Variants in XRCC5 observed in about 807,000 individuals in gnomAD.
XRCC5 encodes DNA repair protein Ku80.
Under a neutral mutation model 95.7 loss-of-function variants are expected in XRCC5, and 12 were observed. That is an observed-to-expected ratio of 0.13 (90% confidence interval 0.08 to 0.20). XRCC5 has a LOEUF of 0.20. Among genes scored for constraint, XRCC5 ranks in the 10% least tolerant of loss-of-function variants. The probability of loss-of-function intolerance (pLI) is 1.00; values close to 1 mark genes in which losing one functional copy is unlikely to be tolerated. For missense variants in XRCC5, 595 were observed against 873.9 expected (o/e 0.68, Z 4.02); for synonymous variants, 281 against 290.3 (o/e 0.97, Z 0.33).
At chr2:216,129,042 C>T (rs947084362) in intron 8 of XRCC5, among the ~76,000 whole-genome samples, 10 of 152,264 alleles carry the variant, frequency 6.6e-5, no homozygotes, top group African/African-American at 2.2e-4. Flanking sequence ...GAGCCACTTA[C>T]AGTTTTGAGG....
At chr2:216,122,797 A>T (rs1304815194) in intron 6 of XRCC5, among the ~76,000 whole-genome samples, 1 of 151,752 alleles carries the variant, frequency 6.6e-6, no homozygotes, top group East Asian at 1.9e-4. Flanking sequence ...TAGCCTACTT[A>T]CTTTACGTGG....
At chr2:216,187,300 A>AC (rs1689511202) in intron 16 of XRCC5, among the ~76,000 whole-genome samples, 1 of 148,792 alleles carries the variant, frequency 6.7e-6, no homozygotes, top group African/African-American at 2.5e-5. Flanking sequence ...TTAGGACTTC[A>AC]TTTTTTTTTT....
At chr2:216,193,234 T>C (rs1023698050) in intron 18 of XRCC5, among the ~76,000 whole-genome samples, 3 of 152,200 alleles carry the variant, frequency 2.0e-5, no homozygotes, top group African/African-American at 7.2e-5. Flanking sequence ...CAGCAACCAA[T>C]GCAAGTTAAA....
intron 14 of XRCC5, 103 bp downstream of exon 14, chr2:216,148,379 A>C: frequency 9.1e-7 from 1 of 1,093,856 alleles, no homozygotes; most frequent in Non-Finnish European, 1.3e-6. Context: ...GGAATTTAAA[A>C]GGTGAGAGGA....
At chr2:216,150,178 A>G (rs1457978813) in intron 14 of XRCC5, among the ~76,000 whole-genome samples, 1 of 152,130 alleles carries the variant, frequency 6.6e-6, no homozygotes, top group Non-Finnish European at 1.5e-5. Flanking sequence ...TCCAGGGTAC[A>G]TATTTCTAGT....
At chr2:216,183,077 G>A (rs1689418520) in intron 16 of XRCC5, among the ~76,000 whole-genome samples, 1 of 152,096 alleles carries the variant, frequency 6.6e-6, no homozygotes, top group Admixed American at 6.5e-5. Context: ...ACAGCCAGTG[G>A]GCTAACTGGA....
chr2:216,188,210 C>A (rs866711114), intron 16 of XRCC5, among the ~76,000 whole-genome samples: 3 of 152,290 alleles, frequency 2.0e-5, no homozygotes, highest in Admixed American at 6.5e-5. Context: ...CATTGCCTAG[C>A]TAAAAAGCCA....
chr2:216,115,726 AAAATAGGC>A (rs960587814), intron 2 of XRCC5, among the ~76,000 whole-genome samples: 89 of 152,228 alleles, frequency 5.8e-4, no homozygotes, highest in Non-Finnish European at 7.9e-4. Flanking sequence ...AATATTTCAT[AAAATAGGC>A]AAATATGGAG....
chr2:216,138,214 A>C, intron 12 of XRCC5, 35 bp downstream of exon 12: 1 of 1,568,376 alleles, frequency 6.4e-7, no homozygotes, highest in Non-Finnish European at 8.8e-7. Flanking sequence ...CTCATTGACT[A>C]CACACACTGT....
intron 17 of XRCC5, 121 bp downstream of exon 17, chr2:216,190,455 G>T: frequency 1.3e-6 from 1 of 757,554 alleles, no homozygotes; most frequent in Non-Finnish European, 2.1e-6. Flanking sequence ...AATATGAATA[G>T]CAGTGTATGC....
intron 1 of XRCC5, among the ~76,000 whole-genome samples, 200 bp from the exon 2 acceptor site, chr2:216,112,816 T>C (rs1696612450): frequency 6.6e-6 from 1 of 152,268 alleles, no homozygotes; most frequent in Non-Finnish European, 1.5e-5. Flanking sequence ...CTGTAGCTTT[T>C]AGAAAGTATC....
chr2:216,134,941 A>G (rs1211734175), intron 10 of XRCC5, among the ~76,000 whole-genome samples: 1 of 152,214 alleles, frequency 6.6e-6, no homozygotes, highest in East Asian at 1.9e-4. Context: ...AAGTGAGGTC[A>G]AGGACTTGGC....
intron 16 of XRCC5, among the ~76,000 whole-genome samples, chr2:216,182,520 A>C (rs1689409111): frequency 6.6e-6 from 1 of 152,164 alleles, no homozygotes; most frequent in Non-Finnish European, 1.5e-5. Flanking sequence ...AGCATTGGCA[A>C]GTTTTAGAAT....
chr2:216,156,282 A>C, intron 14 of XRCC5: 1 of 550,246 alleles, frequency 1.8e-6, no homozygotes, highest in South Asian at 1.5e-5. Context: ...ATGACCAAGC[A>C]AAGCAGGTTC....
chr2:216,124,841 A>G (rs13419171), intron 6 of XRCC5, among the ~76,000 whole-genome samples: 1 of 152,124 alleles, frequency 6.6e-6, no homozygotes, highest in African/African-American at 2.4e-5. Flanking sequence ...CACAAATTCC[A>G]CCTATCTCCT....
rs78849656 is a variant in XRCC5 at position 216,170,441 on chromosome 2, G to T, written c.1834+8393G>T. Among the ~76,000 whole-genome samples, 648 of 152,128 alleles carry T rather than the reference G, an allele frequency of 4.3e-3. 6 individuals carry two copies. Among genetic ancestry groups the T allele is most frequent in the Middle Eastern group, 0.014 (4 of 294 alleles). On this transcript the variant is annotated intron_variant, in intron 16 of 20. Transcript: ENST00000392132. Reference sequence around the variant, plus strand: ...CTAGATGAGCCCAGAGTCCATTCAAGCCTTTACTTAATATACTAAATCACT... The same window carrying T: ...CTAGATGAGCCCAGAGTCCATTCAATCCTTTACTTAATATACTAAATCACT...
At chr2:216,133,092 C>T (rs1574459097) in intron 10 of XRCC5, among the ~76,000 whole-genome samples, 1 of 152,100 alleles carries the variant, frequency 6.6e-6, no homozygotes, top group Admixed American at 6.6e-5. Flanking sequence ...TTCTCTTTTT[C>T]TCCTCACTTC....
intron 4 of XRCC5, among the ~76,000 whole-genome samples, chr2:216,118,093 A>G (rs1049772588): frequency 6.6e-6 from 1 of 152,196 alleles, no homozygotes; most frequent in African/African-American, 2.4e-5. Context: ...ACTAAGTGGT[A>G]TAAGCCATAT....
At chr2:216,164,239 A>G (rs559366243) in intron 16 of XRCC5, among the ~76,000 whole-genome samples, 2 of 152,358 alleles carry the variant, frequency 1.3e-5, no homozygotes, top group South Asian at 2.1e-4. Context: ...TATGTCGTCA[A>G]TTACCTCAGC....
Sources: allele counts gnomAD v4.1 joint callset (sites outside exome capture counted in the v4.1 genomes callset), GRCh38; gene constraint gnomAD v4.1.1; transcripts MANE v1.5; gene names NCBI Gene and HGNC (gene_info 2026-07-23, HGNC 2026-07-21).